The following ORAI2 variants were observed in gnomAD, a reference collection of about 807,000 sequenced individuals.
The protein encoded by ORAI2 is protein orai-2.
A neutral mutation model predicts 16.2 loss-of-function variants in ORAI2; 10 were observed. The observed-to-expected ratio is 0.62, with a 90% CI of 0.38 to 1.04. ORAI2 has a LOEUF of 1.04. Among genes scored for constraint, ORAI2 ranks in the 50% least tolerant of loss-of-function variants. The probability of loss-of-function intolerance (pLI) is 0.01; values close to 1 mark genes in which losing one functional copy is unlikely to be tolerated. For synonymous variants in ORAI2, 150 were observed against 157.5 expected (o/e 0.95, Z 0.35); for missense variants, 238 against 355.5 (o/e 0.67, Z 2.66).
chr7:102,456,390 G>A lies in ORAI2; in HGVS notation c.*9338G>A, dbSNP rs1208866550. 1 of 152,328 alleles carries A rather than the reference G, an allele frequency of 6.6e-6. No individual in the cohort carries two copies. Among genetic ancestry groups the A allele is most frequent in the African/African-American group, 2.4e-5 (1 of 41,442 alleles). The allele number at this position is 152,328 out of a possible 1,614,324, so 9.4% of individuals were successfully genotyped here. On this transcript the variant is annotated 3_prime_UTR_variant, in exon 4 of 4. Coordinates refer to ENST00000495936, the MANE Select transcript of ORAI2 (RefSeq NM_001126340.3). ...CTTTCGAGTAGCTGGGACTACAGGT[G>A]TGTGCCACCATGCCCAGACGCCCAG... is the stretch of plus-strand genomic sequence containing the variant.
chr7:102,446,650 T>C lies in ORAI2; in HGVS notation c.363T>C (p.Asn121=), dbSNP rs1797373007. ...TCATCAGCACCTGCATCCTGCCCAATGTGGAGGCCGTGAGCAACATCCACA... is the reference window on the plus strand; with the variant it reads ...TCATCAGCACCTGCATCCTGCCCAACGTGGAGGCCGTGAGCAACATCCACA... ...ALLISTCILP[N]VEAVSNIHNL... is the part of the protein sequence containing the mutation. Residue 121 remains asparagine (N), a synonymous_variant, in exon 4 of 4, where the codon AAT becomes AAC. Transcript: ENST00000495936. 6.2e-6 allele frequency: 10 copies of C among 1,614,018 alleles called. No homozygotes were observed. The highest frequency in any genetic ancestry group is 2.2e-5 in the South Asian group (2 of 91,096).
intron 3 of ORAI2, among the ~76,000 whole-genome samples, chr7:102,441,609 T>C (rs1386162489): frequency 6.6e-6 from 1 of 151,856 alleles, no homozygotes; most frequent in Non-Finnish European, 1.5e-5. Context: ...GTTTTTTTTT[T>C]CTTTAATTAT....
rs1029507034 is a variant in ORAI2, at chr7:102,455,001, ACT to A, written c.*7952_*7953del. The A allele has an allele frequency of 5.2e-5, 8 of 152,650 alleles. No homozygotes were observed. The highest frequency in any genetic ancestry group is 1.9e-4 in the African/African-American group (8 of 41,338). The allele number at this position is 152,650 out of a possible 1,614,324, so 9.5% of individuals were successfully genotyped here. ...AGACCAGCCTGGGCAACATAGCAAG[ACT>A]CTATCTCCACTAAAAATCAAAACAA... On this transcript the variant is annotated 3_prime_UTR_variant, in exon 4 of 4. Coordinates refer to ENST00000495936, the MANE Select transcript of ORAI2 (RefSeq NM_001126340.3).
chr7:102,443,558 G>C (rs752740346), intron 3 of ORAI2, among the ~76,000 whole-genome samples: 12 of 151,890 alleles, frequency 7.9e-5, no homozygotes, highest in Non-Finnish European at 1.5e-4. Flanking sequence ...TTTCCTTTGA[G>C]GTGACCATAG....
At chr7:102,442,241 C>A (rs1797226057) in intron 3 of ORAI2, among the ~76,000 whole-genome samples, 1 of 151,808 alleles carries the variant, frequency 6.6e-6, no homozygotes, top group Non-Finnish European at 1.5e-5. Flanking sequence ...CATGGGGAAA[C>A]CCTGTCCCTA....
rs1797603014 is a variant in ORAI2, at chr7:102,454,681, C to A, written c.*7629C>A. On this transcript the variant is annotated 3_prime_UTR_variant, in exon 4 of 4. Transcript: ENST00000495936. ...GGAGCGGGATGTCTCCAGAAGCCGCCCTTGGAGCGGGCACTTCCCTATTTG... is the reference window on the plus strand; with the variant it reads ...GGAGCGGGATGTCTCCAGAAGCCGCACTTGGAGCGGGCACTTCCCTATTTG... 1 of 152,304 alleles carries A rather than the reference C, an allele frequency of 6.6e-6. No individual in the cohort carries two copies. The highest frequency in any genetic ancestry group is 2.1e-4 in the South Asian group (1 of 4,836). The allele number at this position is 152,304 out of a possible 1,614,324, so 9.4% of individuals were successfully genotyped here. A position where few individuals can be genotyped will look rare whatever the true frequency, so the allele number is the denominator to read the frequency against.
In ORAI2 at chr7:102,450,129, A is replaced by AG. The variant is rs1233154841; in HGVS notation, c.*3078dup. The AG allele has an allele frequency of 1.3e-5, 2 of 152,220 alleles. No individual in the cohort carries two copies. Among genetic ancestry groups the AG allele is most frequent in the Non-Finnish European group, 2.9e-5 (2 of 68,096 alleles). 9.4% of individuals were successfully genotyped at this position (152,220 alleles called of 1,614,324 possible). A position where few individuals can be genotyped will look rare whatever the true frequency, so the allele number is the denominator to read the frequency against. On this transcript the variant is annotated 3_prime_UTR_variant, in exon 4 of 4. Transcript: ENST00000495936. ...GACAGAGGGTGACTCCTCAAAAAAA[A>AG]GAAAAATAGCTAAAATATGATTGTA...
rs373392032 is a variant in ORAI2 at position 102,446,826 on chromosome 7, G to A, written c.539G>A (p.Arg180His). 3.7e-5 allele frequency: 60 copies of A among 1,613,694 alleles called. No individual in the cohort carries two copies. The highest frequency in any genetic ancestry group is 6.7e-5 in the East Asian group (3 of 44,890). The change falls in exon 4 of 4, where the codon CGC (arginine) becomes CAC (histidine). Residue 180 changes from arginine to histidine, a missense_variant. Arg to His is a conservative substitution (Grantham distance 29). This residue lies in a region of ORAI2 where 176 missense variants were observed against 265.9 expected (regional missense o/e 0.66). Transcript: ENST00000495936. Reference sequence around the variant, plus strand: ...AAGTTCCTCCCCGTGGATGCCCGGCGCCAGCCTGGCCCCCCACCTGGCCCT... The same window carrying A: ...AAGTTCCTCCCCGTGGATGCCCGGCACCAGCCTGGCCCCCCACCTGGCCCT... ...WIKFLPVDAR[R>H]QPGPPPGPGS...
At chr7:102,445,643 T>C (rs1373309441) in intron 3 of ORAI2, among the ~76,000 whole-genome samples, 1 of 151,848 alleles carries the variant, frequency 6.6e-6, no homozygotes, top group Non-Finnish European at 1.5e-5. Flanking sequence ...AGAGACAGGG[T>C]CTCCTTCTGT....
chr7:102,439,462 C>G (rs533535357), intron 3 of ORAI2, among the ~76,000 whole-genome samples: 1 of 152,062 alleles, frequency 6.6e-6, no homozygotes. Flanking sequence ...GAGGTTGGTG[C>G]GGGGTAATTA....
rs189694497 is a variant in ORAI2 at position 102,447,108 on chromosome 7, G to A, written c.*56G>A. ...TGTGCCCGGGAGTCCGCAGAGGCGG[G>A]GATTTGTCAGATGCAGACATTTTGC... On this transcript the variant is annotated 3_prime_UTR_variant, in exon 4 of 4. Transcript: ENST00000495936. 690 of 1,450,986 alleles carry A rather than the reference G, an allele frequency of 4.8e-4. 3 individuals are homozygous for A. The African/African-American group carries it at 8.9e-3, about 19-fold the overall frequency. 89.9% of individuals were successfully genotyped at this position (1,450,986 alleles called of 1,614,324 possible). A position where few individuals can be genotyped will look rare whatever the true frequency, so the allele number is the denominator to read the frequency against.
chr7:102,436,470 C>T (rs916493472), intron 2 of ORAI2, 137 bp downstream of exon 2: 17 of 419,754 alleles, frequency 4.0e-5, no homozygotes, highest in East Asian at 3.2e-4. Flanking sequence ...CACCTTCCTG[C>T]GTAATTTCCA....
At chr7:102,445,418 C>T (rs941206166) in intron 3 of ORAI2, among the ~76,000 whole-genome samples, 8 of 151,268 alleles carry the variant, frequency 5.3e-5, no homozygotes, top group South Asian at 2.1e-4. Context: ...CATGAATCAT[C>T]GTGCCTGGTC....
In ORAI2 at chr7:102,436,347, C is replaced by T. The variant is rs1018525677; in HGVS notation, c.-14+14C>T. 1 of 985,398 alleles carries T rather than the reference C, an allele frequency of 1.0e-6. No individual in the cohort carries two copies. The highest frequency in any genetic ancestry group is 1.7e-5 in the African/African-American group (1 of 57,334). 61.0% of individuals were successfully genotyped at this position (985,398 alleles called of 1,614,324 possible). ...ATAAATGACCTGGTAATTGGCATCC[C>T]CTGGCAGAAATAGCACAGAACTGTT... is the stretch of plus-strand genomic sequence containing the variant. On this transcript the variant is annotated intron_variant, in intron 2 of 3. Coordinates refer to ENST00000495936, the MANE Select transcript of ORAI2 (RefSeq NM_001126340.3).
chr7:102,456,230 TGAG>T lies in ORAI2; in HGVS notation c.*9182_*9184del, dbSNP rs1797641261. The T allele has an allele frequency of 6.5e-6, 1 of 153,318 alleles. No homozygotes were observed. Among genetic ancestry groups the T allele is most frequent in the Non-Finnish European group, 1.5e-5 (1 of 68,052 alleles). The allele number at this position is 153,318 out of a possible 1,614,324, so 9.5% of individuals were successfully genotyped here. Reference sequence around the variant, plus strand: ...AATAGCCTCCTGGTGTAGTGGGAGGTGAGGAGCTTTTTTTGTTTTCCTTTTATT... The same window carrying T: ...AATAGCCTCCTGGTGTAGTGGGAGGTGAGCTTTTTTTGTTTTCCTTTTATT... On this transcript the variant is annotated 3_prime_UTR_variant, in exon 4 of 4. Transcript: ENST00000495936.
At chr7:102,434,135 A>G (rs533706957) in intron 1 of ORAI2, among the ~76,000 whole-genome samples, 11 of 150,502 alleles carry the variant, frequency 7.3e-5, no homozygotes, top group Admixed American at 7.3e-4. Flanking sequence ...AAAAAAAAAA[A>G]AAAAAAAAAA....
chr7:102,439,302 G>C, intron 3 of ORAI2, 121 bp downstream of exon 3: 1 of 809,138 alleles, frequency 1.2e-6, no homozygotes, highest in South Asian at 1.6e-5. Flanking sequence ...TGGACCAGTA[G>C]GAAGCATCCA....
intron 2 of ORAI2, among the ~76,000 whole-genome samples, chr7:102,438,402 CGAT>C (rs1346698794): frequency 2.0e-5 from 3 of 152,136 alleles, no homozygotes; most frequent in Non-Finnish European, 4.4e-5. Flanking sequence ...CCCATTCTCA[CGAT>C]GAAAGAGCCA....
intron 1 of ORAI2, among the ~76,000 whole-genome samples, chr7:102,435,780 G>A (rs910320578): frequency 7.2e-5 from 11 of 151,876 alleles, no homozygotes; most frequent in Admixed American, 2.0e-4. Context: ...GATTACAGGC[G>A]CCCACCACCA....
Sources: allele counts gnomAD v4.1 joint callset (sites outside exome capture counted in the v4.1 genomes callset), GRCh38; gene constraint gnomAD v4.1.1; regional missense constraint gnomAD v4.1.1; transcripts MANE v1.5; gene names NCBI Gene and HGNC (gene_info 2026-07-23, HGNC 2026-07-21).